The following KLF5 variants were observed in gnomAD, a reference collection of about 807,000 sequenced individuals.
KLF5 encodes KLF transcription factor 5.
In KLF5, 9 loss-of-function variants were observed where a neutral mutation model predicts 36.9. That is an observed-to-expected ratio of 0.24 (90% CI 0.15 to 0.43). The LOEUF (loss-of-function observed/expected upper bound fraction) is 0.43. Ranked by LOEUF, KLF5 falls within the 20% of genes least tolerant of loss-of-function variation. The pLI is 1.00. For missense variants in KLF5, 524 were observed against 599.5 expected, an observed-to-expected ratio of 0.87 and a Z score of 1.31; for synonymous variants, 246 against 241.7, an observed-to-expected ratio of 1.02 and a Z score of -0.17.
At chr13:73,056,370 T>G (rs1006328927), upstream of KLF5, among the ~76,000 whole-genome samples, 1 of 152,230 alleles carries the variant, frequency 6.6e-6, no homozygotes, top group Non-Finnish European at 1.5e-5. Context: ...TGTTTTTTGT[T>G]TTCTCCTATC....
At chr13:73,070,848 C>A (rs952138679) in intron 3 of KLF5, among the ~76,000 whole-genome samples, 1 of 152,174 alleles carries the variant, frequency 6.6e-6, no homozygotes, top group Non-Finnish European at 1.5e-5. Flanking sequence ...ACATGGTTCT[C>A]ACCTAAATGC....
chr13:73,061,906 G>T lies in KLF5; in HGVS notation c.307G>T (p.Val103Phe). The change falls in exon 2 of 4, where the codon GTT (valine) becomes TTT (phenylalanine). Residue 103 changes from valine (V) to phenylalanine (F), a missense_variant. Val to Phe is a conservative substitution (Grantham distance 50, BLOSUM62 -1). This residue lies in a region of KLF5 where 454 missense variants were observed against 458.1 expected (regional missense o/e 0.99). Transcript: ENST00000377687. ...GTATCTGACACCTCAGCTTCCTCCA[G>T]TTCCTATAATTCCAGAGCATAAAAA... ...EKYLTPQLPP[V>F]PIIPEHKKYR... is the part of the protein sequence containing the mutation. 6.2e-7 allele frequency: 1 copy of T among 1,613,992 alleles called. No individual in the cohort carries two copies. Among genetic ancestry groups the T allele is most frequent in the Non-Finnish European group, 8.5e-7 (1 of 1,179,888 alleles).
intron 3 of KLF5, among the ~76,000 whole-genome samples, chr13:73,064,340 CTG>C (rs1180174598): frequency 1.3e-5 from 2 of 151,962 alleles, no homozygotes; most frequent in South Asian, 2.1e-4. Flanking sequence ...GTTAAAATAT[CTG>C]TGTTTAGTAT....
At chr13:73,074,587 T>C (rs576775829) in intron 3 of KLF5, among the ~76,000 whole-genome samples, 1 of 152,318 alleles carries the variant, frequency 6.6e-6, no homozygotes, top group South Asian at 2.1e-4. Context: ...TACTGGAATA[T>C]ATGATCTCCA....
chr13:73,064,351 A>G (rs1183211607), intron 3 of KLF5, among the ~76,000 whole-genome samples: 1 of 152,150 alleles, frequency 6.6e-6, no homozygotes, highest in African/African-American at 2.4e-5. Context: ...TGTGTTTAGT[A>G]TGTTTTCTGT....
intron 1 of KLF5, among the ~76,000 whole-genome samples, chr13:73,060,180 G>T (rs996840771): frequency 7.1e-5 from 8 of 112,252 alleles, no homozygotes; most frequent in African/African-American, 1.3e-4. Flanking sequence ...AAAAAAAAAA[G>T]ACCGGGGGTG....
At chr13:73,069,283 TAATG>T (rs1005126881) in intron 3 of KLF5, among the ~76,000 whole-genome samples, 9 of 152,294 alleles carry the variant, frequency 5.9e-5, no homozygotes, top group East Asian at 1.9e-4. Flanking sequence ...CTCTGGGCCT[TAATG>T]GATGGAGATC....
chr13:73,067,642 TACAAAGAAAGTCTTTGAACA>T (rs1246632897), intron 3 of KLF5, among the ~76,000 whole-genome samples: 1 of 152,194 alleles, frequency 6.6e-6, no homozygotes, highest in Non-Finnish European at 1.5e-5. Flanking sequence ...TTAGCATTTG[TACAAAGAAAGTCTTTGAACA>T]ACACACACTT....
At position 73,077,303 on chromosome 13, in the gene KLF5, C is replaced by T. The variant is rs1479447637; in HGVS notation, c.*1417C>T. 4 of 152,434 alleles carry T rather than the reference C, an allele frequency of 2.6e-5. No individual in the cohort carries two copies. The highest frequency in any genetic ancestry group is 5.9e-5 in the Non-Finnish European group (4 of 68,014). 9.4% of individuals were successfully genotyped at this position (152,434 alleles called of 1,614,324 possible). Reference sequence around the variant, plus strand: ...TTAAAAGATGTAAATAGATGACAAACGATGTAAATAATTTTGTAAGAGGCT... The same window carrying T: ...TTAAAAGATGTAAATAGATGACAAATGATGTAAATAATTTTGTAAGAGGCT... On this transcript the variant is annotated 3_prime_UTR_variant, in exon 4 of 4. Transcript: ENST00000377687.
intron 3 of KLF5, among the ~76,000 whole-genome samples, chr13:73,068,644 C>T (rs1459911581): frequency 7.2e-6 from 1 of 138,838 alleles, no homozygotes; most frequent in Admixed American, 8.0e-5. Context: ...GCGGAGGTTG[C>T]AGTGAGCTGA....
chr13:73,072,900 C>CA (rs1336324369), intron 3 of KLF5, among the ~76,000 whole-genome samples: 2 of 152,158 alleles, frequency 1.3e-5, no homozygotes, highest in African/African-American at 2.4e-5. Flanking sequence ...AATGAGAAAA[C>CA]ACATACTTTG....
chr13:73,061,105 G>T (rs2044631866), intron 1 of KLF5, among the ~76,000 whole-genome samples: 1 of 152,092 alleles, frequency 6.6e-6, no homozygotes, highest in African/African-American at 2.4e-5. Flanking sequence ...ACTCTACCAA[G>T]GGAGTGATTT....
At chr13:73,063,680 T>A in intron 2 of KLF5, 144 bp from the exon 3 acceptor site, 1 of 615,896 alleles carries the variant, frequency 1.6e-6, no homozygotes, top group Admixed American at 2.9e-5. Context: ...GAGGGCTCTT[T>A]AAAACTTTTA....
chr13:73,061,100 AC>A (rs1252513083), intron 1 of KLF5, among the ~76,000 whole-genome samples: 1 of 152,120 alleles, frequency 6.6e-6, no homozygotes, highest in Non-Finnish European at 1.5e-5. Flanking sequence ...GCAGCACTCT[AC>A]CAAGGGAGTG....
In KLF5 at chr13:73,062,377, A is replaced by G. The variant is rs1486586562; in HGVS notation, c.778A>G (p.Met260Val). ...DTLNVSMSAAMAGLNTHTSAV... is the reference protein window; with the variant it reads ...DTLNVSMSAAVAGLNTHTSAV... ...TCTTAATGTTTCTATGTCAGCTGCC[A>G]TGGCAGGCCTTAACACACACACCTC... The change falls in exon 2 of 4, where the codon ATG becomes GTG. Residue 260 changes from methionine (M) to valine (V), a missense_variant. Transcript: ENST00000377687. 8.7e-6 allele frequency: 14 copies of G among 1,614,102 alleles called. No individual in the cohort carries two copies. The highest frequency in any genetic ancestry group is 1.1e-5 in the Non-Finnish European group (13 of 1,180,042).
intron 1 of KLF5, 138 bp from the exon 2 acceptor site, chr13:73,061,723 T>G (rs776582647): frequency 6.9e-6 from 5 of 722,298 alleles, no homozygotes; most frequent in South Asian, 3.6e-5. Flanking sequence ...AAGCCTGATA[T>G]GTTTATAAGC....
At position 73,059,381 on chromosome 13, in the gene KLF5, G is replaced by T; in HGVS notation, c.54G>T (p.Pro18=). 7 of 1,409,894 alleles carry T rather than the reference G, an allele frequency of 5.0e-6. No homozygotes were observed. Among genetic ancestry groups the T allele is most frequent in the Non-Finnish European group, 6.5e-6 (7 of 1,082,854 alleles). The allele number at this position is 1,409,894 out of a possible 1,614,324, so 87.3% of individuals were successfully genotyped here. ...CCCGCCTGGGACCCGTGCCCCAGCC[G>T]CCGGCGCCGCAGGACGAGCCGGTGT... ...MSARLGPVPQ[P]PAPQDEPVFA... is the part of the protein sequence containing the mutation. The change falls in exon 1 of 4, where the codon CCG becomes CCT. Residue 18 remains proline, a synonymous_variant. Transcript: ENST00000377687.
At position 73,062,580 on chromosome 13, in the gene KLF5, C is replaced by T. The variant is rs144202002; in HGVS notation, c.981C>T (p.Ser327=). The change falls in exon 2 of 4, where the codon TCC becomes TCT. Residue 327 remains serine, a synonymous_variant. Transcript: ENST00000377687. ...EMLQNLTPPP[S]YAATIASKLA... ...TCCAGAATTTAACCCCACCTCCATC[C>T]TATGCTGCTACAATTGCTTCTAAAC... 3 of 1,614,144 alleles carry T rather than the reference C, an allele frequency of 1.9e-6. No homozygotes were observed. Among genetic ancestry groups the T allele is most frequent in the Non-Finnish European group, 2.5e-6 (3 of 1,180,058 alleles).
At chr13:73,059,776 G>C (rs1175876400) in intron 1 of KLF5, 188 bp downstream of exon 1, 4 of 548,254 alleles carry the variant, frequency 7.3e-6, no homozygotes, top group Admixed American at 3.4e-4. Flanking sequence ...AGAGTAAATG[G>C]GGGGGGGGGC....
Sources: allele counts gnomAD v4.1 joint callset (sites outside exome capture counted in the v4.1 genomes callset), GRCh38; gene constraint gnomAD v4.1.1; regional missense constraint gnomAD v4.1.1; transcripts MANE v1.5; gene names NCBI Gene and HGNC (gene_info 2026-07-23, HGNC 2026-07-21).